EXD3: variants seen among roughly 807,000 people sequenced by gnomAD.
EXD3 encodes the protein exonuclease mut-7 homolog.
EXD3 carries 92 observed loss-of-function variants against 98.0 expected under a neutral mutation model. The observed-to-expected ratio is 0.94, with a 90% CI of 0.79 to 1.12. The LOEUF (loss-of-function observed/expected upper bound fraction) is 1.12. Ranked by LOEUF, EXD3 falls within the 50% of genes most tolerant of loss-of-function variation. EXD3 has a pLI of 0.00. For synonymous variants in EXD3, 569 were observed against 526.0 expected, an observed-to-expected ratio of 1.08 and a Z score of -1.12; for missense variants, 1,222 against 1,191.6, an observed-to-expected ratio of 1.03 and a Z score of -0.38.
At chr9:137,413,980 C>G (rs573135165) in intron 1 of EXD3, among the ~76,000 whole-genome samples, 39 of 150,218 alleles carry the variant, frequency 2.6e-4, no homozygotes, top group Non-Finnish European at 4.1e-4. Context: ...GCAGTGGTGC[C>G]ATCTCGGCTC....
In EXD3 at chr9:137,353,507, C is replaced by A. The variant is rs573227017; in HGVS notation, c.871-721G>T. 7.1e-6 allele frequency: 7 copies of A among 987,450 alleles called. No individual in the cohort carries two copies. In the East Asian group the frequency reaches 5.7e-4, roughly 80 times the overall value. The allele number at this position is 987,450 out of a possible 1,614,324, so 61.2% of individuals were successfully genotyped here. Reference sequence around the variant, plus strand: ...TATTGGGCACCCATTCACCCATGGCCCAGGAGCAGACAGAGGGGTGCCCTC... The same window carrying A: ...TATTGGGCACCCATTCACCCATGGCACAGGAGCAGACAGAGGGGTGCCCTC... On this transcript the variant is annotated intron_variant, in intron 10 of 21. Transcript: ENST00000340951.
intron 6 of EXD3, among the ~76,000 whole-genome samples, 180 bp from the exon 7 acceptor site, chr9:137,366,812 T>A (rs975366199): frequency 2.0e-5 from 3 of 152,206 alleles, no homozygotes; most frequent in Non-Finnish European, 4.4e-5. Context: ...AGGCTCCTGC[T>A]GGGCTCTGTG....
chr9:137,319,874 C>T (rs1831933304), intron 19 of EXD3, among the ~76,000 whole-genome samples: 1 of 152,244 alleles, frequency 6.6e-6, no homozygotes, highest in African/African-American at 2.4e-5. Flanking sequence ...CCCAACAGCT[C>T]TCTGTCACCT....
rs1482054428 is a variant in EXD3 at position 137,383,449 on chromosome 9, T to C, written c.56-72A>G. ...GGCTATCGCACAGCCCGCCGGGAAG[T>C]CCCTCCCACTGACCCGCAATGCCTG... On this transcript the variant is annotated intron_variant, in intron 2 of 21. Transcript: ENST00000340951. The C allele has an allele frequency of 6.1e-5, 73 of 1,190,760 alleles. 1 individual carries two copies. Among genetic ancestry groups the C allele is most frequent in the Non-Finnish European group, 6.3e-5 (54 of 854,502 alleles). 73.8% of individuals were successfully genotyped at this position (1,190,760 alleles called of 1,614,324 possible). A position where few individuals can be genotyped will look rare whatever the true frequency, so the allele number is the denominator to read the frequency against.
Position 137,417,560 on chromosome 9 carries a change from A to G in EXD3, c.-48+5554T>C, listed in dbSNP as rs992072152. Among the ~76,000 whole-genome samples, 8 of 152,294 alleles carry G rather than the reference A, an allele frequency of 5.3e-5. No individual in the cohort carries two copies. In the South Asian group the frequency reaches 1.7e-3, roughly 32 times the overall value. ...CTCTGGCAGTTCCTCTCCCGGGCAG[A>G]GACCACGGGGACCAGCAACGCGCGT... is the stretch of plus-strand genomic sequence containing the variant. On this transcript the variant is annotated intron_variant, in intron 1 of 21. Transcript: ENST00000340951.
chr9:137,417,727 G>A (rs762721776), intron 1 of EXD3, among the ~76,000 whole-genome samples: 15 of 152,142 alleles, frequency 9.9e-5, no homozygotes, highest in Non-Finnish European at 2.1e-4. Context: ...CGACATCACC[G>A]ACACCACGTG....
intron 10 of EXD3, chr9:137,353,323 G>T: frequency 1.0e-6 from 1 of 985,278 alleles, no homozygotes; most frequent in Non-Finnish European, 1.2e-6. Flanking sequence ...CTCTCACCAG[G>T]CATCTGCCCC....
At position 137,366,561 on chromosome 9, in the gene EXD3, G is replaced by T; in HGVS notation, c.588C>A (p.Leu196=). Residue 196 remains leucine (L), a synonymous_variant, in exon 7 of 22, where the codon CTC becomes CTA. Coordinates refer to ENST00000340951, the MANE Select transcript of EXD3 (RefSeq NM_017820.5). ...VERYVAGFPD[L]QRRLLVLMDS... ...CCATGAGGACCAGCAGCCTCCTCTGGAGGTCCGGGAAGCCGGCCACATAGC... is the reference window on the plus strand; with the variant it reads ...CCATGAGGACCAGCAGCCTCCTCTGTAGGTCCGGGAAGCCGGCCACATAGC... The T allele has an allele frequency of 6.4e-7, 1 of 1,552,242 alleles. No homozygotes were observed. Among genetic ancestry groups the T allele is most frequent in the Non-Finnish European group, 8.7e-7 (1 of 1,148,246 alleles).
intron 1 of EXD3, among the ~76,000 whole-genome samples, chr9:137,414,788 G>C (rs1345801457): frequency 6.6e-6 from 1 of 152,178 alleles, no homozygotes; most frequent in East Asian, 1.9e-4. Flanking sequence ...GTCCCACACC[G>C]CCACTCCAGG....
intron 17 of EXD3, 51 bp downstream of exon 17, chr9:137,348,020 T>C: frequency 6.4e-7 from 1 of 1,566,196 alleles, no homozygotes; most frequent in Non-Finnish European, 8.6e-7. Flanking sequence ...ACACCTGTGC[T>C]AGGGGCAGCT....
chr9:137,399,407 T>G (rs1837379256), intron 1 of EXD3, among the ~76,000 whole-genome samples: 2 of 152,250 alleles, frequency 1.3e-5, no homozygotes, highest in Non-Finnish European at 2.9e-5. Flanking sequence ...TTACACTTCC[T>G]GAGAATTACT....
At chr9:137,326,048 C>T (rs966798139) in intron 17 of EXD3, among the ~76,000 whole-genome samples, 4 of 150,032 alleles carry the variant, frequency 2.7e-5, no homozygotes, top group Non-Finnish European at 5.9e-5. Context: ...CATCAGACTC[C>T]AGCCTGGGCT....
rs1407109714 is a variant in EXD3, at chr9:137,347,547, G to A, written c.1998+524C>T. ...TAACCTCTGCCTCCGGTGTTTAAGC[G>A]ATTCTCGTGTCTCAGCCTCCTGAGT... On this transcript the variant is annotated intron_variant, in intron 17 of 21. Coordinates refer to ENST00000340951, the MANE Select transcript of EXD3 (RefSeq NM_017820.5). This position sits in a 1 kb window ranked among gnomAD's most constrained non-coding sequence, Gnocchi z 4.2. 1.3e-5 allele frequency among the ~76,000 whole-genome samples: 2 copies of A among 151,826 alleles called. No homozygotes were observed. The highest frequency in any genetic ancestry group is 2.9e-5 in the Non-Finnish European group (2 of 67,924).
At chr9:137,323,902 C>A (rs1315808623) in intron 18 of EXD3, 46 bp from the exon 19 acceptor site, 3 of 1,565,246 alleles carry the variant, frequency 1.9e-6, no homozygotes, top group African/African-American at 1.4e-5. Context: ...CAGAGCCCAG[C>A]ACCTGCCCAG....
rs1376592912 is a variant in EXD3 at position 137,407,503 on chromosome 9, C to A, written c.-47-12099G>T. Among the ~76,000 whole-genome samples the A allele has an allele frequency of 6.6e-6, 1 of 152,170 alleles. No homozygotes were observed. Among genetic ancestry groups the A allele is most frequent in the Non-Finnish European group, 1.5e-5 (1 of 68,016 alleles). ...CCGCTCTCGGGCTCTGCCCTGCCAG[C>A]CCCACAACCCAGAACCCAGCGTCCC... On this transcript the variant is annotated intron_variant, in intron 1 of 21. Coordinates refer to ENST00000340951, the MANE Select transcript of EXD3 (RefSeq NM_017820.5). The surrounding 1 kb of genome is among the most constrained non-coding windows in gnomAD (Gnocchi z 4.4).
At chr9:137,327,818 T>A (rs374365472) in intron 17 of EXD3, among the ~76,000 whole-genome samples, 2 of 107,992 alleles carry the variant, frequency 1.9e-5, no homozygotes, top group Non-Finnish European at 1.9e-5. Context: ...TAAAAACAAC[T>A]AATATACACC....
chr9:137,319,835 G>A (rs564752918), intron 19 of EXD3, among the ~76,000 whole-genome samples: 32 of 152,324 alleles, frequency 2.1e-4, no homozygotes, highest in African/African-American at 7.0e-4. Flanking sequence ...CTGGCCCTGA[G>A]GGACCCTTGT....
Position 137,309,680 on chromosome 9 carries a change from G to T in EXD3, c.2205C>A (p.Tyr735Ter). The change falls in exon 20 of 22, where the codon TAC (tyrosine) becomes TAA (stop). Residue 735 changes from tyrosine (Y) to a stop codon, truncating the protein, a stop_gained. Coordinates refer to ENST00000340951, the MANE Select transcript of EXD3 (RefSeq NM_017820.5). LOFTEE classifies it high-confidence loss of function. ...SRCQACNCDQYLKVSRDMMKQ... is the reference protein window; with the variant it reads ...SRCQACNCDQ ...TCATCATGTCCCTGGAGACCTTTAG[G>T]TACTGGTCACAGTTACAGGCCTGGG... 1 of 1,556,940 alleles carries T rather than the reference G, an allele frequency of 6.4e-7. No homozygotes were observed. Among genetic ancestry groups the T allele is most frequent in the South Asian group, 1.2e-5 (1 of 84,436 alleles).
intron 16 of EXD3, among the ~76,000 whole-genome samples, chr9:137,348,682 A>AG (rs1457001481): frequency 1.8e-5 from 1 of 54,622 alleles, no homozygotes; most frequent in African/African-American, 7.7e-5. Flanking sequence ...GATCACGGGG[A>AG]GGGGTTAGAT....
Sources: gnomAD v4.1 joint callset for allele counts (sites outside exome capture counted in the v4.1 genomes callset) on GRCh38, gnomAD v4.1.1 for gene constraint, Gnocchi (gnomAD v3.1) non-coding constraint, MANE v1.5 for transcripts, NCBI Gene and HGNC (gene_info 2026-07-23, HGNC 2026-07-21) for gene names.